The following RNF150 variants were observed in gnomAD, a reference collection of about 807,000 sequenced individuals.
RNF150 encodes the protein ring finger protein 150.
In RNF150, 24 loss-of-function variants were observed where a neutral mutation model predicts 39.3. That is an observed-to-expected ratio of 0.61 (90% CI 0.44 to 0.86). The LOEUF is 0.86. RNF150 is among the 40% of genes least tolerant of loss of function. The pLI, the probability that RNF150 is intolerant of heterozygous loss-of-function variation, is 0.00. For missense variants in RNF150, 502 were observed against 587.8 expected (o/e 0.85, Z 1.51); for synonymous variants, 255 against 227.3 (o/e 1.12, Z -1.10).
intron 1 of RNF150, among the ~76,000 whole-genome samples, chr4:141,035,070 A>G (rs1736090151): frequency 6.6e-6 from 1 of 152,238 alleles, no homozygotes; most frequent in Non-Finnish European, 1.5e-5. Context: ...GTATACTTGT[A>G]TAATTACAGT....
chr4:140,907,078 T>C (rs1730409091), intron 6 of RNF150, among the ~76,000 whole-genome samples: 1 of 152,220 alleles, frequency 6.6e-6, no homozygotes, highest in Admixed American at 6.5e-5. Flanking sequence ...TACAGGGCTG[T>C]CTGTTTCGCT....
intron 1 of RNF150, among the ~76,000 whole-genome samples, chr4:141,176,651 G>A (rs867110099): frequency 1.4e-4 from 22 of 152,014 alleles, no homozygotes; most frequent in African/African-American, 4.8e-4. Flanking sequence ...TTCATAACAG[G>A]CAAAATAACT....
chr4:141,127,159 A>G (rs1246150109), intron 1 of RNF150, among the ~76,000 whole-genome samples: 1 of 152,182 alleles, frequency 6.6e-6, no homozygotes, highest in Non-Finnish European at 1.5e-5. Flanking sequence ...GAGATCTACC[A>G]CTTACTGTCT....
chr4:141,121,599 T>A, intron 1 of RNF150, among the ~76,000 whole-genome samples: 2 of 152,214 alleles, frequency 1.3e-5, no homozygotes, highest in East Asian at 3.9e-4. Context: ...TATTCTTGAC[T>A]GTTTTACAGA....
intron 1 of RNF150, among the ~76,000 whole-genome samples, chr4:141,185,963 G>T (rs1728000530): frequency 6.6e-6 from 1 of 152,194 alleles, no homozygotes; most frequent in South Asian, 2.1e-4. Context: ...TTGCATCGAT[G>T]TTCATCAGGG....
chr4:141,210,968 C>T (rs1728454267), intron 1 of RNF150, among the ~76,000 whole-genome samples: 1 of 152,088 alleles, frequency 6.6e-6, no homozygotes, highest in Non-Finnish European at 1.5e-5. Context: ...TTCTTCCCTT[C>T]CTCAATTTTC....
At chr4:140,911,825 T>C (rs893939384) in intron 5 of RNF150, among the ~76,000 whole-genome samples, 6 of 152,130 alleles carry the variant, frequency 3.9e-5, no homozygotes, top group Non-Finnish European at 8.8e-5. Flanking sequence ...TCTGAGTCAT[T>C]ATGGCTTGTT....
chr4:141,038,530 A>C (rs1279711226), intron 1 of RNF150, among the ~76,000 whole-genome samples: 1 of 151,962 alleles, frequency 6.6e-6, no homozygotes, highest in East Asian at 1.9e-4. Context: ...ATCTCTACAA[A>C]ATTTTAAAAA....
chr4:141,185,797 T>G (rs1727997676), intron 1 of RNF150, among the ~76,000 whole-genome samples: 1 of 152,244 alleles, frequency 6.6e-6, no homozygotes, highest in African/African-American at 2.4e-5. Flanking sequence ...TCATGTGGTT[T>G]TTGTGATTGG....
chr4:141,162,262 T>A (rs188601938), intron 1 of RNF150, among the ~76,000 whole-genome samples: 1 of 152,200 alleles, frequency 6.6e-6, no homozygotes, highest in East Asian at 1.9e-4. Flanking sequence ...ATTTTGGATC[T>A]TTAAGATTTA....
chr4:140,952,258 C>T (rs1732569956), intron 2 of RNF150, among the ~76,000 whole-genome samples: 1 of 152,108 alleles, frequency 6.6e-6, no homozygotes, highest in Non-Finnish European at 1.5e-5. Flanking sequence ...ATGATCTGCC[C>T]ACCTCATCCT....
chr4:140,957,894 C>T (rs1286174713), intron 2 of RNF150, among the ~76,000 whole-genome samples: 1 of 115,108 alleles, frequency 8.7e-6, no homozygotes, highest in Admixed American at 1.1e-4. Flanking sequence ...ACTCTGGGGA[C>T]TGTTGTGGGG....
At chr4:141,145,483 T>C (rs879495999) in intron 1 of RNF150, among the ~76,000 whole-genome samples, 3 of 152,188 alleles carry the variant, frequency 2.0e-5, no homozygotes, top group Non-Finnish European at 4.4e-5. Flanking sequence ...TATACATAGA[T>C]CATTTCCAGT....
intron 4 of RNF150, among the ~76,000 whole-genome samples, chr4:140,941,330 A>G (rs1732075144): frequency 6.6e-6 from 1 of 152,226 alleles, no homozygotes; most frequent in Non-Finnish European, 1.5e-5. Flanking sequence ...CACAACGGCA[A>G]GTTTGCTAAG....
intron 2 of RNF150, among the ~76,000 whole-genome samples, chr4:140,966,799 A>G (rs2111420626): frequency 6.6e-6 from 1 of 152,336 alleles, no homozygotes; most frequent in East Asian, 1.9e-4. Flanking sequence ...TCTAAAATGT[A>G]TATGCCATTG....
At chr4:141,000,011 G>GAAAAGAAGAAAAGAAGAAAAGAAGAA (rs1560678959) in intron 1 of RNF150, among the ~76,000 whole-genome samples, 1 of 31,706 alleles carries the variant, frequency 3.2e-5, no homozygotes, top group Admixed American at 3.6e-4. Flanking sequence ...AGAAGAAGAA[G>GAAAAGAAGAAAAGAAGAAAAGAAGAA]AAGAAGAAGA....
intron 1 of RNF150, among the ~76,000 whole-genome samples, chr4:141,156,654 G>T (rs778623572): frequency 6.6e-6 from 1 of 151,212 alleles, no homozygotes; most frequent in Non-Finnish European, 1.5e-5. Context: ...AGCACTTTGG[G>T]AGGCTGAGGT....
intron 6 of RNF150, among the ~76,000 whole-genome samples, chr4:140,872,678 A>C (rs75852413): frequency 0.016 from 2,375 of 152,338 alleles, 67 homozygotes; most frequent in African/African-American, 0.052. Context: ...AAGGGCAGTA[A>C]AAGAGGAGAA....
intron 1 of RNF150, among the ~76,000 whole-genome samples, chr4:140,990,126 C>A (rs1359040732): frequency 6.6e-6 from 1 of 152,188 alleles, no homozygotes; most frequent in Non-Finnish European, 1.5e-5. Context: ...CTTACACATG[C>A]CCACAGACTG....
Sources: allele counts gnomAD v4.1 joint callset (sites outside exome capture counted in the v4.1 genomes callset), GRCh38; gene constraint gnomAD v4.1.1; transcripts MANE v1.5; gene names NCBI Gene and HGNC (gene_info 2026-07-23, HGNC 2026-07-21).